The following FARS2 variants were observed in gnomAD, a reference collection of about 807,000 sequenced individuals.
FARS2 encodes the protein phenylalanine--tRNA ligase, mitochondrial.
In FARS2, 40 loss-of-function variants were observed where a neutral mutation model predicts 46.4. The observed-to-expected ratio is 0.86, with a 90% CI of 0.67 to 1.12. The LOEUF (loss-of-function observed/expected upper bound fraction) is 1.12. FARS2 is among the 50% of genes most tolerant of loss of function. The probability of loss-of-function intolerance (pLI) is 0.00; values close to 1 mark genes in which losing one functional copy is unlikely to be tolerated. For synonymous variants in FARS2, 234 were observed against 214.9 expected (o/e 1.09, Z -0.78); for missense variants, 513 against 567.9 (o/e 0.90, Z 0.98).
At chr6:5,507,503 C>A (rs1055458191) in intron 4 of FARS2, among the ~76,000 whole-genome samples, 1 of 152,066 alleles carries the variant, frequency 6.6e-6, no homozygotes, top group Non-Finnish European at 1.5e-5. Flanking sequence ...TCACTTATGT[C>A]TGTAAAAAGC....
intron 5 of FARS2, among the ~76,000 whole-genome samples, chr6:5,599,197 T>C (rs376661146): frequency 1.3e-5 from 2 of 152,322 alleles, no homozygotes; most frequent in African/African-American, 4.8e-5. Flanking sequence ...TGTTTTCACC[T>C]AGCATCTCCA....
intron 1 of FARS2, among the ~76,000 whole-genome samples, chr6:5,321,258 T>C (rs1167296332): frequency 6.6e-6 from 1 of 152,228 alleles, no homozygotes; most frequent in Non-Finnish European, 1.5e-5. Flanking sequence ...GTGTTTTTCA[T>C]GATGCTTAGA....
chr6:5,473,896 G>A (rs1765957323), intron 4 of FARS2, among the ~76,000 whole-genome samples: 2 of 152,176 alleles, frequency 1.3e-5, no homozygotes, highest in Admixed American at 6.5e-5. Context: ...CCGCCCTGCT[G>A]GATACCTTTA....
intron 6 of FARS2, among the ~76,000 whole-genome samples, chr6:5,769,146 T>C (rs1368118964): frequency 6.6e-6 from 1 of 152,110 alleles, no homozygotes. Context: ...TTGAGTTAGT[T>C]TGTGTGTGTG....
chr6:5,362,097 G>A (rs1224537446), intron 1 of FARS2, among the ~76,000 whole-genome samples: 4 of 152,134 alleles, frequency 2.6e-5, no homozygotes, highest in Admixed American at 2.6e-4. Flanking sequence ...GATACCTTTC[G>A]AAATGTTACT....
intron 1 of FARS2, among the ~76,000 whole-genome samples, chr6:5,282,074 A>C (rs1393717390): frequency 1.3e-5 from 2 of 152,230 alleles, no homozygotes; most frequent in East Asian, 3.8e-4. Context: ...TTGTCAGTAT[A>C]ATGCCATTGT....
intron 1 of FARS2, among the ~76,000 whole-genome samples, chr6:5,339,178 T>G (rs1771378718): frequency 6.6e-6 from 1 of 152,204 alleles, no homozygotes; most frequent in South Asian, 2.1e-4. Flanking sequence ...TGTCAGTATT[T>G]TATGTCCTCT....
At chr6:5,390,738 G>A (rs745321664) in intron 2 of FARS2, among the ~76,000 whole-genome samples, 17 of 152,192 alleles carry the variant, frequency 1.1e-4, no homozygotes, top group Non-Finnish European at 2.5e-4. Flanking sequence ...GAGATAACCA[G>A]TGTCAAGCCC....
At chr6:5,684,975 A>C (rs1272452842) in intron 6 of FARS2, among the ~76,000 whole-genome samples, 4 of 152,070 alleles carry the variant, frequency 2.6e-5, no homozygotes, top group African/African-American at 9.7e-5. Flanking sequence ...CCGGAGAGCA[A>C]TTTTCTTTAT....
Position 5,634,209 on chromosome 6 carries a change from A to C in FARS2, c.1217+20889A>C, listed in dbSNP as rs565095114. The stretch of plus-strand genomic sequence containing the variant: ...GAATCAAACTTTTATTTTTCTAAAC[A>C]GTTAACCAGCTTTCCTGATACAATT... On this transcript the variant is annotated intron_variant, in intron 6 of 6. Coordinates refer to ENST00000274680, the MANE Select transcript of FARS2 (RefSeq NM_006567.5). Among the ~76,000 whole-genome samples the C allele has an allele frequency of 3.3e-5, 5 of 152,362 alleles. No homozygotes were observed. The South Asian group carries it at 1.0e-3, about 32-fold the overall frequency.
chr6:5,422,923 A>G (rs941389993), intron 3 of FARS2, among the ~76,000 whole-genome samples: 1 of 152,218 alleles, frequency 6.6e-6, no homozygotes, highest in Non-Finnish European at 1.5e-5. Flanking sequence ...ACACTTCCCC[A>G]TGCTGAATTG....
At position 5,303,233 on chromosome 6, in the gene FARS2, GAGAGA is replaced by G. The variant is rs370190249; in HGVS notation, c.-22+41575_-22+41579del. On this transcript the variant is annotated intron_variant, in intron 1 of 6. Coordinates refer to ENST00000274680, the MANE Select transcript of FARS2 (RefSeq NM_006567.5). ...TCAGTGGGGAAGTGAAGGTATAGAG[GAGAGA>G]AAAGAACTTGAGCATTGACACTAGG... is the stretch of plus-strand genomic sequence containing the variant. 8.9e-3 allele frequency among the ~76,000 whole-genome samples: 1,352 copies of G among 152,278 alleles called. 19 individuals carry two copies. Among genetic ancestry groups the G allele is most frequent in the African/African-American group, 0.029 (1,219 of 41,546 alleles).
chr6:5,468,957 T>C (rs996575138), intron 4 of FARS2, among the ~76,000 whole-genome samples: 4 of 152,194 alleles, frequency 2.6e-5, no homozygotes, highest in Non-Finnish European at 4.4e-5. Context: ...TGGCATACCA[T>C]AACTCCCTTT....
At chr6:5,402,255 T>C (rs1761302507) in intron 2 of FARS2, among the ~76,000 whole-genome samples, 1 of 151,968 alleles carries the variant, frequency 6.6e-6, no homozygotes, top group African/African-American at 2.4e-5. Flanking sequence ...CAATTCTCTT[T>C]TCATTTTTTC....
intron 3 of FARS2, among the ~76,000 whole-genome samples, chr6:5,415,310 CTTTTTTTT>C (rs773981175): frequency 2.4e-4 from 13 of 53,638 alleles, no homozygotes; most frequent in South Asian, 7.7e-4. Flanking sequence ...CTTTTCTTTT[CTTTTTTTT>C]TTTTTTTTTT....
intron 6 of FARS2, among the ~76,000 whole-genome samples, chr6:5,732,345 C>T (rs1454377063): frequency 6.6e-6 from 1 of 152,000 alleles, no homozygotes; most frequent in Non-Finnish European, 1.5e-5. Flanking sequence ...GTTCAGCCTC[C>T]TAGGGAGGCA....
chr6:5,514,769 C>CTTT (rs748510419), intron 4 of FARS2, among the ~76,000 whole-genome samples: 1 of 143,412 alleles, frequency 7.0e-6, no homozygotes, highest in African/African-American at 2.5e-5. Context: ...ACATCTGTGG[C>CTTT]TTTTTTTTTT....
At chr6:5,583,611 C>G (rs1277488911) in intron 5 of FARS2, among the ~76,000 whole-genome samples, 1 of 151,820 alleles carries the variant, frequency 6.6e-6, no homozygotes, top group Non-Finnish European at 1.5e-5. Context: ...AGCCTTACTT[C>G]CAGGTACTGT....
chr6:5,535,344 T>C (rs1770128201), intron 4 of FARS2, among the ~76,000 whole-genome samples: 1 of 152,264 alleles, frequency 6.6e-6, no homozygotes, highest in African/African-American at 2.4e-5. Context: ...CATTTTTATG[T>C]GTCGATTTTG....
Sources: allele counts gnomAD v4.1 joint callset (sites outside exome capture counted in the v4.1 genomes callset), GRCh38; gene constraint gnomAD v4.1.1; transcripts MANE v1.5; gene names NCBI Gene and HGNC (gene_info 2026-07-23, HGNC 2026-07-21).